ARHGEF4: variants seen among roughly 807,000 people sequenced by gnomAD.
ARHGEF4 encodes the protein Rho guanine nucleotide exchange factor 4.
ARHGEF4 carries 119 observed loss-of-function variants against 162.0 expected under a neutral mutation model. That is an observed-to-expected ratio of 0.73 (90% CI 0.63 to 0.86). ARHGEF4 has a LOEUF of 0.86. Among genes scored for constraint, ARHGEF4 ranks in the 40% least tolerant of loss-of-function variants. ARHGEF4 has a pLI of 0.00. For synonymous variants in ARHGEF4, 1,014 were observed against 979.9 expected (o/e 1.03, Z -0.65); for missense variants, 2,488 against 2,456.0 (o/e 1.01, Z -0.28).
Position 130,907,755 on chromosome 2 carries a change from G to C in ARHGEF4, c.40-6231G>C, listed in dbSNP as rs151177722. ...GATCACGAAGTCAGGAGATCGAGAC[G>C]ATCCTGGCTAATAACATGGTGAAAC... On this transcript the variant is annotated intron_variant, in intron 1 of 13. Coordinates refer to ENST00000409359, the MANE Select transcript of ARHGEF4 (RefSeq NM_001367493.1). Among the ~76,000 whole-genome samples the C allele has an allele frequency of 3.9e-4, 59 of 151,516 alleles. 1 individual carries two copies. In the East Asian group the frequency reaches 4.2e-3, roughly 11 times the overall value.
At chr2:131,034,623 C>T (rs1690099086) in intron 5 of ARHGEF4, among the ~76,000 whole-genome samples, 1 of 152,208 alleles carries the variant, frequency 6.6e-6, no homozygotes. Context: ...TGCGGCCAGT[C>T]CTTGTAAGGA....
At chr2:130,878,071 C>G (rs146526641) in intron 1 of ARHGEF4, among the ~76,000 whole-genome samples, 345 of 152,276 alleles carry the variant, frequency 2.3e-3, no homozygotes, top group African/African-American at 7.9e-3. Flanking sequence ...GTTGGATTGT[C>G]AGAGACTCAG....
chr2:130,876,002 C>T (rs573201840), intron 1 of ARHGEF4, among the ~76,000 whole-genome samples: 109 of 152,342 alleles, frequency 7.2e-4, no homozygotes, highest in Non-Finnish European at 1.0e-3. Flanking sequence ...CGCTTCACTG[C>T]GTGGCACATG....
chr2:130,929,899 A>ATT (rs35335067), intron 2 of ARHGEF4: 103 of 148,304 alleles, frequency 6.9e-4, no homozygotes, highest in Middle Eastern at 3.5e-3. Flanking sequence ...ATACTTTTTC[A>ATT]TTTTTTTTTT....
chr2:131,012,487 C>G (rs1208505691), intron 4 of ARHGEF4, among the ~76,000 whole-genome samples: 1 of 151,764 alleles, frequency 6.6e-6, no homozygotes, highest in African/African-American at 2.4e-5. Flanking sequence ...AGCCACAGGC[C>G]TCAGAGTGGG....
intron 4 of ARHGEF4, among the ~76,000 whole-genome samples, chr2:130,976,795 C>A (rs78774636): frequency 0.016 from 2,376 of 152,244 alleles, 67 homozygotes; most frequent in African/African-American, 0.054. Context: ...GCCTCGCCTG[C>A]AGAGAGCCCA....
At chr2:130,988,899 TATAGAGAGAGAGAGAG>T (rs1686734682) in intron 4 of ARHGEF4, among the ~76,000 whole-genome samples, 5 of 113,062 alleles carry the variant, frequency 4.4e-5, no homozygotes, top group African/African-American at 1.4e-4. Flanking sequence ...TATATATATA[TATAGAGAGAGAGAGAG>T]AGAGAGAGAG....
At chr2:130,847,865 G>A (rs1574089297) in intron 1 of ARHGEF4, among the ~76,000 whole-genome samples, 1 of 152,232 alleles carries the variant, frequency 6.6e-6, no homozygotes, top group African/African-American at 2.4e-5. Flanking sequence ...CCTGGCATGA[G>A]GGCCTGCGTG....
chr2:130,936,843 A>G (rs1340818814), intron 3 of ARHGEF4, among the ~76,000 whole-genome samples: 1 of 149,372 alleles, frequency 6.7e-6, no homozygotes, highest in Non-Finnish European at 1.5e-5. Flanking sequence ...ATTTTCCACA[A>G]TTATTTCTTC....
At chr2:130,936,546 T>C (rs1288043572) in intron 3 of ARHGEF4, among the ~76,000 whole-genome samples, 6 of 152,212 alleles carry the variant, frequency 3.9e-5, no homozygotes, top group African/African-American at 7.2e-5. Flanking sequence ...TTTTCCCAGA[T>C]ATATAACTTC....
chr2:130,902,762 C>G (rs1314920600), intron 1 of ARHGEF4, among the ~76,000 whole-genome samples: 1 of 152,184 alleles, frequency 6.6e-6, no homozygotes, highest in Non-Finnish European at 1.5e-5. Flanking sequence ...TCCGTCCTGT[C>G]GGGTCCGTAC....
chr2:130,926,048 C>CTTTCTCTTTCTT, intron 2 of ARHGEF4, among the ~76,000 whole-genome samples: 94 of 53,450 alleles, frequency 1.8e-3, no homozygotes, highest in East Asian at 3.0e-3. Context: ...TTCTTTCTTT[C>CTTTCTCTTTCTT]TCTTTCTTTC....
At chr2:130,988,891 TATATATATATAGAGAGAGAGAGAGAGAG>T (rs1390262092) in intron 4 of ARHGEF4, among the ~76,000 whole-genome samples, 2 of 116,268 alleles carry the variant, frequency 1.7e-5, no homozygotes, top group Admixed American at 9.2e-5. Context: ...TATATATATA[TATATATATATAGAGAGAGAGAGAGAGAG>T]AGAGAGAGAG....
chr2:130,839,815 C>T (rs565712848), intron 1 of ARHGEF4, among the ~76,000 whole-genome samples: 33 of 152,146 alleles, frequency 2.2e-4, no homozygotes, highest in African/African-American at 5.1e-4. Flanking sequence ...TGCCTGGAGC[C>T]GTCACTGAAG....
chr2:130,920,768 T>C (rs1244423177), intron 2 of ARHGEF4, among the ~76,000 whole-genome samples: 2 of 152,252 alleles, frequency 1.3e-5, no homozygotes, highest in Admixed American at 6.5e-5. Context: ...TGTTTACTTC[T>C]AGATTTCTTC....
In ARHGEF4 at chr2:130,860,664, C is replaced by T. The variant is rs1208675154; in HGVS notation, c.39+23672C>T. 2.5e-5 allele frequency among the ~76,000 whole-genome samples: 3 copies of T among 118,446 alleles called. 1 individual carries two copies. The highest frequency in any genetic ancestry group is 4.8e-5 in the Non-Finnish European group (3 of 62,250). 77.7% of individuals were successfully genotyped at this position (118,446 alleles called of 152,430 possible). Reference sequence around the variant, plus strand: ...GGCGAAGCTTGCGGTGAGCCGAGATCGCGTCACTGCACTCCAGCCTGGGCG... The same window carrying T: ...GGCGAAGCTTGCGGTGAGCCGAGATTGCGTCACTGCACTCCAGCCTGGGCG... On this transcript the variant is annotated intron_variant, in intron 1 of 13. Transcript: ENST00000409359.
rs755060420 is a variant in ARHGEF4 at position 131,046,174 on chromosome 2, A to G, written c.5616A>G (p.Ala1872=). 1 of 1,611,784 alleles carries G rather than the reference A, an allele frequency of 6.2e-7. No individual in the cohort carries two copies. Among genetic ancestry groups the G allele is most frequent in the South Asian group, 1.1e-5 (1 of 90,966 alleles). The part of the protein sequence containing the change: ...STFWHSISRL[A]PFRK ...TCTGGCACAGCATCAGCCGGCTGGC[A>G]CCCTTCCGCAAGTGAACTGGTCCCT... The change falls in exon 14 of 14, where the codon GCA becomes GCG. Residue 1872 remains alanine (A), a synonymous_variant. Coordinates refer to ENST00000409359, the MANE Select transcript of ARHGEF4 (RefSeq NM_001367493.1).
In ARHGEF4 at chr2:131,046,405, C is replaced by G. The variant is rs939138216; in HGVS notation, c.*216C>G. 1.8e-6 allele frequency: 1 copy of G among 569,000 alleles called. No homozygotes were observed. Among genetic ancestry groups the G allele is most frequent in the African/African-American group, 1.9e-5 (1 of 52,938 alleles). The allele number at this position is 569,000 out of a possible 1,614,324, so 35.2% of individuals were successfully genotyped here. A position where few individuals can be genotyped will look rare whatever the true frequency, so the allele number is the denominator to read the frequency against. ...AAGAGACCAGCAAGGGGGCAGACCC[C>G]GCACTCGCCACACCGCCGCTGCAGC... is the stretch of plus-strand genomic sequence containing the variant. On this transcript the variant is annotated 3_prime_UTR_variant, in exon 14 of 14. Transcript: ENST00000409359.
chr2:130,951,214 A>G (rs775285393), intron 4 of ARHGEF4, among the ~76,000 whole-genome samples: 3 of 152,230 alleles, frequency 2.0e-5, no homozygotes, highest in Non-Finnish European at 4.4e-5. Context: ...TAACTGGAGT[A>G]GCACTTTTCA....
Sources: gnomAD v4.1 joint callset for allele counts (sites outside exome capture counted in the v4.1 genomes callset) on GRCh38, gnomAD v4.1.1 for gene constraint, MANE v1.5 for transcripts, NCBI Gene and HGNC (gene_info 2026-07-23, HGNC 2026-07-21) for gene names.